THEMIS2: variants seen among roughly 807,000 people sequenced by gnomAD.
THEMIS2 encodes the protein protein THEMIS2.
THEMIS2 carries 29 observed loss-of-function variants against 46.8 expected under a neutral mutation model. The ratio of observed to expected loss-of-function variants is 0.62; its 90% CI spans 0.46 to 0.84. The LOEUF (loss-of-function observed/expected upper bound fraction) is 0.84. Ranked by LOEUF, THEMIS2 falls within the 40% of genes least tolerant of loss-of-function variation. The pLI is 0.00. For synonymous variants in THEMIS2, 335 were observed against 349.1 expected (o/e 0.96, Z 0.45); for missense variants, 698 against 834.7 (o/e 0.84, Z 2.02).
At chr1:27,881,842 C>CAA (rs371204275) in intron 3 of THEMIS2, 129 bp from the exon 4 acceptor site, 403 of 576,658 alleles carry the variant, frequency 7.0e-4, no homozygotes, top group African/African-American at 2.1e-3. Flanking sequence ...AACTCCATCT[C>CAA]AAAAAAAAAA....
chr1:27,880,191 C>T, intron 3 of THEMIS2, 137 bp downstream of exon 3: 1 of 1,006,408 alleles, frequency 9.9e-7, no homozygotes, highest in South Asian at 1.8e-5. Context: ...CTCTGTATTA[C>T]ACTGAAGTTA....
rs1319758052 is a variant in THEMIS2, at chr1:27,886,021, A to C, written c.*99A>C. 1 of 1,135,418 alleles carries C rather than the reference A, an allele frequency of 8.8e-7. No individual in the cohort carries two copies. The highest frequency in any genetic ancestry group is 1.3e-6 in the Non-Finnish European group (1 of 756,280). The allele number at this position is 1,135,418 out of a possible 1,614,324, so 70.3% of individuals were successfully genotyped here. On this transcript the variant is annotated 3_prime_UTR_variant, in exon 6 of 6. Coordinates refer to ENST00000373921, the MANE Select transcript of THEMIS2 (RefSeq NM_001105556.3). ...AAAAGACCTCGGGCAAGTCTCACAG[A>C]AACTGAGCTGCAGACGGGGAGTAGC...
chr1:27,873,912 G>C (rs2089531718), intron 1 of THEMIS2, among the ~76,000 whole-genome samples: 1 of 152,110 alleles, frequency 6.6e-6, no homozygotes, highest in African/African-American at 2.4e-5. Context: ...GATGGGGTGA[G>C]TGCGGAGGAC....
intron 4 of THEMIS2, chr1:27,883,424 C>A (rs2089719578): frequency 1.0e-5 from 2 of 192,466 alleles, no homozygotes; most frequent in South Asian, 1.1e-4. Flanking sequence ...CAGGCTCTTA[C>A]AAAAGCTGTC....
intron 1 of THEMIS2, among the ~76,000 whole-genome samples, chr1:27,876,231 C>T (rs574678296): frequency 2.0e-4 from 30 of 151,634 alleles, no homozygotes; most frequent in African/African-American, 7.3e-4. Context: ...GAGGGGGATT[C>T]ACTGGGTTAT....
In THEMIS2 at chr1:27,883,055, AT is replaced by A. The variant is rs753425345; in HGVS notation, c.1719+13del. The A allele has an allele frequency of 5.0e-6, 8 of 1,603,388 alleles. No individual in the cohort carries two copies. Among genetic ancestry groups the A allele is most frequent in the Non-Finnish European group, 6.8e-6 (8 of 1,173,262 alleles). On this transcript the variant is annotated intron_variant, in intron 4 of 5. Coordinates refer to ENST00000373921, the MANE Select transcript of THEMIS2 (RefSeq NM_001105556.3). Reference sequence around the variant, plus strand: ...AGGGAGGCGTCAAGGTACTAGTATAATCCCAGAGGGCACGGAGGGGTCACCT... The same window carrying A: ...AGGGAGGCGTCAAGGTACTAGTATAACCCAGAGGGCACGGAGGGGTCACCT...
At chr1:27,874,145 C>T (rs2089538677) in intron 1 of THEMIS2, among the ~76,000 whole-genome samples, 2 of 149,114 alleles carry the variant, frequency 1.3e-5, no homozygotes, top group African/African-American at 5.0e-5. Flanking sequence ...GATCCTCCCA[C>T]CTCAGCTTCC....
intron 1 of THEMIS2, among the ~76,000 whole-genome samples, chr1:27,875,820 C>G (rs949154416): frequency 2.0e-5 from 3 of 152,082 alleles, no homozygotes; most frequent in Non-Finnish European, 2.9e-5. Context: ...CCTGCCTCAG[C>G]CTCCCGAGTA....
chr1:27,883,104 C>T (rs1471169833), intron 4 of THEMIS2, 61 bp downstream of exon 4: 1 of 1,389,854 alleles, frequency 7.2e-7, no homozygotes, highest in East Asian at 2.3e-5. Flanking sequence ...GCTTCTTTGT[C>T]ATGTCTGCCT....
Position 27,872,663 on chromosome 1 carries a change from A to G in THEMIS2, c.92A>G (p.Glu31Gly). Residue 31 changes from glutamate to glycine, a missense_variant and splice_region_variant, in exon 1 of 6, where the codon GAG becomes GGG. By Grantham distance (98) the Glu-to-Gly change is moderately conservative. Transcript: ENST00000373921. This position sits in a 1 kb window ranked among gnomAD's most constrained non-coding sequence, Gnocchi z 4.9. ...VLRVCSGVYF[E>G]GSIYEISGNE... ...CGGGTCTGCTCGGGGGTCTACTTCG[A>G]GGGTGAGCGGGGGCTGGAACCCCTC... 1 of 1,381,652 alleles carries G rather than the reference A, an allele frequency of 7.2e-7. No individual in the cohort carries two copies. Among genetic ancestry groups the G allele is most frequent in the Non-Finnish European group, 9.4e-7 (1 of 1,062,102 alleles). 85.6% of individuals were successfully genotyped at this position (1,381,652 alleles called of 1,614,324 possible).
Position 27,872,925 on chromosome 1 carries a change from G to A in THEMIS2, c.94+260G>A, listed in dbSNP as rs1474793528. Among the ~76,000 whole-genome samples the A allele has an allele frequency of 6.6e-6, 1 of 152,160 alleles. No homozygotes were observed. The highest frequency in any genetic ancestry group is 2.4e-5 in the African/African-American group (1 of 41,450). ...TGAGGCGCGGGAGGTGGATGCAGCCGGGCCACTCCTAGGTGGCCCCGCGGT... is the reference window on the plus strand; with the variant it reads ...TGAGGCGCGGGAGGTGGATGCAGCCAGGCCACTCCTAGGTGGCCCCGCGGT... On this transcript the variant is annotated intron_variant, in intron 1 of 5. Coordinates refer to ENST00000373921, the MANE Select transcript of THEMIS2 (RefSeq NM_001105556.3). The surrounding 1 kb of genome is among the most constrained non-coding windows in gnomAD (Gnocchi z 4.9).
In THEMIS2 at chr1:27,882,483, G is replaced by A; in HGVS notation, c.1159G>A (p.Gly387Ser). The change falls in exon 4 of 6, where the codon GGC (glycine) becomes AGC (serine). Residue 387 changes from glycine (G) to serine (S), a missense_variant. Transcript: ENST00000373921. The surrounding 1 kb of genome is among the most constrained non-coding windows in gnomAD (Gnocchi z 7.6). ...GCCTGGCCAGGCCCATGGGGCCCAG[G>A]GCAGTGACGTGGATGTCTTGGTTTG... ...LGPGQAHGAQGSDVDVLVCQR... is the reference protein window; with the variant it reads ...LGPGQAHGAQSSDVDVLVCQR... 6.2e-7 allele frequency: 1 copy of A among 1,613,436 alleles called. No homozygotes were observed. The highest frequency in any genetic ancestry group is 8.5e-7 in the Non-Finnish European group (1 of 1,179,462).
At chr1:27,881,451 CAAA>C (rs961782418) in intron 3 of THEMIS2, among the ~76,000 whole-genome samples, 1 of 138,922 alleles carries the variant, frequency 7.2e-6, no homozygotes, top group East Asian at 2.1e-4. Context: ...GACTCCATCT[CAAA>C]AAAAAAAAGA....
intron 2 of THEMIS2, among the ~76,000 whole-genome samples, chr1:27,877,471 G>T (rs1430431104): frequency 6.6e-6 from 1 of 151,920 alleles, no homozygotes. Flanking sequence ...GACTACAGGC[G>T]CCCGCCACCA....
rs201157658 is a variant in THEMIS2, at chr1:27,879,956, A to G, written c.548A>G (p.Gln183Arg). The G allele has an allele frequency of 2.7e-5, 43 of 1,612,340 alleles. No individual in the cohort carries two copies. In the East Asian group the frequency reaches 8.7e-4, roughly 33 times the overall value. The change falls in exon 3 of 6, where the codon CAG becomes CGG. Residue 183 changes from glutamine to arginine, a missense_variant. Coordinates refer to ENST00000373921, the MANE Select transcript of THEMIS2 (RefSeq NM_001105556.3). ...SAPRTLLQVL[Q>R]DPALKDLVLT... ...CCTCGAACTCTGCTCCAGGTCCTAC[A>G]GGATCCAGCCCTGAAAGACCTCGTC... is the stretch of plus-strand genomic sequence containing the variant.
chr1:27,882,721 C>T lies in THEMIS2; in HGVS notation c.1397C>T (p.Thr466Ile). The T allele has an allele frequency of 6.2e-7, 1 of 1,614,022 alleles. No homozygotes were observed. The highest frequency in any genetic ancestry group is 1.1e-5 in the South Asian group (1 of 91,076). Reference protein sequence around the residue: ...KVVAKDTSHPTDPLTSFLGLR... With the variant: ...KVVAKDTSHPIDPLTSFLGLR... ...GTGGCCAAGGACACCAGCCACCCCA[C>T]TGACCCTCTGACCTCCTTCCTGGGC... The change falls in exon 4 of 6, where the codon ACT (threonine) becomes ATT (isoleucine). Residue 466 changes from threonine to isoleucine, a missense_variant. By Grantham distance (89) the Thr-to-Ile change is moderately conservative. Transcript: ENST00000373921. The surrounding 1 kb of genome is among the most constrained non-coding windows in gnomAD (Gnocchi z 7.6).
chr1:27,876,658 C>G lies in THEMIS2; in HGVS notation c.165C>G (p.Val55=). ...GGGACCTGATCAAGGTCACCCAGGTCCGCCTCCAGAAGGTGGTCTGTGAGA... is the reference window on the plus strand; with the variant it reads ...GGGACCTGATCAAGGTCACCCAGGTGCGCCTCCAGAAGGTGGTCTGTGAGA... ...STGDLIKVTQ[V]RLQKVVCENP... is the part of the protein sequence containing the mutation. The change falls in exon 2 of 6, where the codon GTC becomes GTG. Residue 55 remains valine (V), a synonymous_variant. Transcript: ENST00000373921. 6.2e-7 allele frequency: 1 copy of G among 1,614,092 alleles called. No individual in the cohort carries two copies. The highest frequency in any genetic ancestry group is 1.3e-5 in the African/African-American group (1 of 75,054).
At position 27,872,669 on chromosome 1, in the gene THEMIS2, A is replaced by G; in HGVS notation, c.94+4A>G. On this transcript the variant is annotated splice_donor_region_variant and intron_variant, in intron 1 of 5. Transcript: ENST00000373921. The surrounding 1 kb of genome is among the most constrained non-coding windows in gnomAD (Gnocchi z 4.9). ...TGCTCGGGGGTCTACTTCGAGGGTG[A>G]GCGGGGGCTGGAACCCCTCCGAGCA... The G allele has an allele frequency of 8.8e-6, 12 of 1,369,710 alleles. No individual in the cohort carries two copies. Among genetic ancestry groups the G allele is most frequent in the Non-Finnish European group, 7.6e-6 (8 of 1,055,772 alleles). The allele number at this position is 1,369,710 out of a possible 1,614,324, so 84.8% of individuals were successfully genotyped here.
chr1:27,872,699 C>G lies in THEMIS2; in HGVS notation c.94+34C>G. ...GGGCTGGAACCCCTCCGAGCACTCC[C>G]TTGGTGTGGGGCGGGGGCAGAGACC... On this transcript the variant is annotated intron_variant, in intron 1 of 5. Transcript: ENST00000373921. The surrounding 1 kb of genome is among the most constrained non-coding windows in gnomAD (Gnocchi z 4.9). 1 of 1,271,806 alleles carries G rather than the reference C, an allele frequency of 7.9e-7. No homozygotes were observed. Among genetic ancestry groups the G allele is most frequent in the Non-Finnish European group, 1.0e-6 (1 of 1,003,282 alleles). 78.8% of individuals were successfully genotyped at this position (1,271,806 alleles called of 1,614,324 possible). A position where few individuals can be genotyped will look rare whatever the true frequency, so the allele number is the denominator to read the frequency against.
Sources: gnomAD v4.1 joint callset for allele counts (sites outside exome capture counted in the v4.1 genomes callset) on GRCh38, gnomAD v4.1.1 for gene constraint, Gnocchi (gnomAD v3.1) non-coding constraint, MANE v1.5 for transcripts, NCBI Gene and HGNC (gene_info 2026-07-23, HGNC 2026-07-21) for gene names.